Variants in SPATA6 observed in about 807,000 individuals in gnomAD.
The protein encoded by SPATA6 is spermatogenesis-associated protein 6.
SPATA6 carries 56 observed loss-of-function variants against 65.3 expected under a neutral mutation model. The observed-to-expected ratio is 0.86, with a 90% CI of 0.69 to 1.07. SPATA6 has a LOEUF of 1.07. SPATA6 is among the 50% of genes least tolerant of loss of function. SPATA6 has a pLI of 0.00. For missense variants in SPATA6, 590 were observed against 594.8 expected, an observed-to-expected ratio of 0.99 and a Z score of 0.08; for synonymous variants, 199 against 213.2, an observed-to-expected ratio of 0.93 and a Z score of 0.58.
intron 10 of SPATA6, among the ~76,000 whole-genome samples, chr1:48,358,972 C>G (rs1250751941): frequency 6.6e-6 from 1 of 152,148 alleles, no homozygotes; most frequent in African/African-American, 2.4e-5. Flanking sequence ...TTCTTTTCAA[C>G]TTATTACAGA....
intron 12 of SPATA6, among the ~76,000 whole-genome samples, chr1:48,303,847 T>C (rs1644996391): frequency 6.6e-6 from 1 of 152,224 alleles, no homozygotes; most frequent in Non-Finnish European, 1.5e-5. Context: ...AGTTCTTAAA[T>C]TGTTTTTGAC....
At chr1:48,278,921 C>A in the SPATA6 span, among the ~76,000 whole-genome samples, 1 of 152,140 alleles carries the variant, frequency 6.6e-6, no homozygotes, top group Non-Finnish European at 1.5e-5. Flanking sequence ...ATGTTAAGGG[C>A]AGCCAGAGAG....
At position 48,325,328 on chromosome 1, in the gene SPATA6, G is replaced by T. The variant is rs1438638252; in HGVS notation, c.1195-19450C>A. ...CTGCTTCACTGTGTGTAGGGCACAGGCCCCCGTAGAGTCCTCCCCTGAAGG... is the reference window on the plus strand; with the variant it reads ...CTGCTTCACTGTGTGTAGGGCACAGTCCCCCGTAGAGTCCTCCCCTGAAGG... On this transcript the variant is annotated intron_variant, in intron 11 of 12. Transcript: ENST00000371847. 42 of 1,272,928 alleles carry T rather than the reference G, an allele frequency of 3.3e-5. No individual in the cohort carries two copies. The East Asian group carries it at 9.1e-4, about 27-fold the overall frequency. The allele number at this position is 1,272,928 out of a possible 1,614,324, so 78.9% of individuals were successfully genotyped here.
In SPATA6 at chr1:48,403,873, G is replaced by A. The variant is rs750599888; in HGVS notation, c.415C>T (p.Pro139Ser). ...RRISGLRGNA[P>S]RLEFSTTSVI... ...GAAGTCGTAGAAAATTCCAGCCTTG[G>A]AGCATTTCCCTGAGAAGAAAAAAGA... is the stretch of plus-strand genomic sequence containing the variant. Residue 139 changes from proline to serine, a missense_variant, in exon 6 of 13, where the codon CCA (proline) becomes TCA (serine). Pro to Ser is a moderately conservative substitution (Grantham distance 74). Coordinates refer to ENST00000371847, the MANE Select transcript of SPATA6 (RefSeq NM_019073.4). 3 of 1,608,248 alleles carry A rather than the reference G, an allele frequency of 1.9e-6. No homozygotes were observed. The highest frequency in any genetic ancestry group is 3.4e-5 in the Admixed American group (2 of 59,076).
At chr1:48,382,338 AC>A (rs1229438838) in intron 9 of SPATA6, among the ~76,000 whole-genome samples, 1 of 68,132 alleles carries the variant, frequency 1.5e-5, no homozygotes, top group Non-Finnish European at 3.0e-5. Flanking sequence ...CGGGGGGCTG[AC>A]CCCCCCACCA....
At chr1:48,458,283 A>G (rs1657159340) in intron 1 of SPATA6, among the ~76,000 whole-genome samples, 6 of 152,208 alleles carry the variant, frequency 3.9e-5, no homozygotes, top group Admixed American at 3.9e-4. Context: ...AAACACTCCA[A>G]CCAAAAGGTA....
chr1:48,311,415 A>T (rs1193510729), intron 11 of SPATA6, among the ~76,000 whole-genome samples: 1 of 152,190 alleles, frequency 6.6e-6, no homozygotes, highest in Non-Finnish European at 1.5e-5. Context: ...AATAATTGTA[A>T]ACCAAAATAA....
At chr1:48,432,691 T>C (rs2148064302) in intron 3 of SPATA6, among the ~76,000 whole-genome samples, 1 of 152,256 alleles carries the variant, frequency 6.6e-6, no homozygotes, top group South Asian at 2.1e-4. Context: ...AAATGTAAAA[T>C]GATACAGCTA....
At chr1:48,404,648 A>G (rs919458019) in intron 5 of SPATA6, among the ~76,000 whole-genome samples, 68 of 152,054 alleles carry the variant, frequency 4.5e-4, no homozygotes, top group African/African-American at 1.4e-3. Context: ...TGGCCTGTCC[A>G]TTAAAATTTA....
intron 3 of SPATA6, among the ~76,000 whole-genome samples, chr1:48,428,809 G>GTGTATA (rs144421737): frequency 8.9e-4 from 123 of 137,662 alleles, no homozygotes; most frequent in African/African-American, 3.1e-3. Flanking sequence ...GTGTGTGTGT[G>GTGTATA]TATATGTATA....
At chr1:48,415,895 A>T (rs1557683502) in intron 3 of SPATA6, among the ~76,000 whole-genome samples, 1 of 152,164 alleles carries the variant, frequency 6.6e-6, no homozygotes, top group Non-Finnish European at 1.5e-5. Flanking sequence ...AAACTTCTGA[A>T]AATCAAAGAC....
intron 9 of SPATA6, among the ~76,000 whole-genome samples, chr1:48,361,367 T>C (rs2148821017): frequency 6.6e-6 from 1 of 152,248 alleles, no homozygotes; most frequent in East Asian, 1.9e-4. Context: ...TATAACTTGA[T>C]AGGTCAAGTT....
intron 3 of SPATA6, among the ~76,000 whole-genome samples, chr1:48,425,165 G>T (rs1356695256): frequency 1.3e-5 from 2 of 152,126 alleles, no homozygotes; most frequent in East Asian, 3.8e-4. Context: ...TTTGGTTTTT[G>T]TATATGGTGA....
chr1:48,285,762 C>A, the SPATA6 span, among the ~76,000 whole-genome samples: 26 of 152,320 alleles, frequency 1.7e-4, no homozygotes, highest in Middle Eastern at 3.4e-3. Context: ...CCTCTGCAGG[C>A]TGCACCCATT....
At chr1:48,363,984 A>C (rs915060060) in intron 9 of SPATA6, among the ~76,000 whole-genome samples, 1 of 151,188 alleles carries the variant, frequency 6.6e-6, no homozygotes, top group Non-Finnish European at 1.5e-5. Flanking sequence ...CCAGAGTGTG[A>C]TGTTCCCCTT....
intron 3 of SPATA6, among the ~76,000 whole-genome samples, chr1:48,442,197 C>T (rs144444012): frequency 5.3e-5 from 8 of 152,266 alleles, no homozygotes; most frequent in Middle Eastern, 3.4e-3. Context: ...GCCTCTTCCC[C>T]CAGGGACTGG....
rs568498807 is a variant in SPATA6 at position 48,353,089 on chromosome 1, C to T, written c.1194+2581G>A. ...AACAATTCTAGAACCCAAATGGAAA[C>T]AGTGAATTGCAAGAAAGAATGAATA... On this transcript the variant is annotated intron_variant, in intron 11 of 12. Transcript: ENST00000371847. Among the ~76,000 whole-genome samples the T allele has an allele frequency of 6.2e-4, 94 of 151,560 alleles. 1 individual carries two copies. Among genetic ancestry groups the T allele is most frequent in the Non-Finnish European group, 7.2e-4 (49 of 67,812 alleles).
chr1:48,323,424 G>A (rs1423083545), intron 11 of SPATA6, among the ~76,000 whole-genome samples: 1 of 151,728 alleles, frequency 6.6e-6, no homozygotes, highest in Non-Finnish European at 1.5e-5. Flanking sequence ...GTCGAGGGGT[G>A]GGGGGCTGGG....
chr1:48,444,007 T>G (rs1655765332), intron 3 of SPATA6, among the ~76,000 whole-genome samples: 2 of 152,148 alleles, frequency 1.3e-5, no homozygotes, highest in Admixed American at 6.5e-5. Context: ...TGCAGGGTCC[T>G]TTCTTCACCC....
Sources: gnomAD v4.1 joint callset for allele counts (sites outside exome capture counted in the v4.1 genomes callset) on GRCh38, gnomAD v4.1.1 for gene constraint, MANE v1.5 for transcripts, NCBI Gene and HGNC (gene_info 2026-07-23, HGNC 2026-07-21) for gene names.